The following ANK3 variants were observed in gnomAD, a reference collection of about 807,000 sequenced individuals.
The protein encoded by ANK3 is ankyrin 3.
A neutral mutation model predicts 370.9 loss-of-function variants in ANK3; 57 were observed. The observed-to-expected ratio is 0.15, with a 90% CI of 0.12 to 0.19. The LOEUF (loss-of-function observed/expected upper bound fraction) is 0.19. Among genes scored for constraint, ANK3 ranks in the 10% least tolerant of loss-of-function variants. The pLI is 1.00. For missense variants in ANK3, 4,439 were observed against 5,302.1 expected (o/e 0.84, Z 5.06); for synonymous variants, 1,929 against 1,946.3 (o/e 0.99, Z 0.23).
chr10:60,399,092 C>A (rs927160632), intron 2 of ANK3, among the ~76,000 whole-genome samples: 1 of 151,728 alleles, frequency 6.6e-6, no homozygotes, highest in Non-Finnish European at 1.5e-5. Context: ...TGTACTAAAC[C>A]CAGTGGAAAA....
intron 2 of ANK3, among the ~76,000 whole-genome samples, chr10:60,529,332 G>A (rs183346947): frequency 6.6e-6 from 1 of 152,240 alleles, no homozygotes; most frequent in Admixed American, 6.5e-5. Context: ...GTTCTCAAAT[G>A]CCTAGGCATA....
At chr10:60,689,900 G>T (rs184290167) in intron 1 of ANK3, among the ~76,000 whole-genome samples, 25 of 152,228 alleles carry the variant, frequency 1.6e-4, no homozygotes, top group African/African-American at 5.3e-4. Flanking sequence ...ACAGTTATAT[G>T]ATGTTTGAAA....
At chr10:60,620,289 T>C (rs1595356438) in intron 1 of ANK3, among the ~76,000 whole-genome samples, 1 of 152,200 alleles carries the variant, frequency 6.6e-6, no homozygotes, top group Admixed American at 6.5e-5. Context: ...AAGGTGTTTA[T>C]TATATTTGTG....
rs778201465 is a variant in ANK3, at chr10:60,072,166, G to A, written c.8715C>T (p.Arg2905=). Residue 2905 remains arginine (R), a synonymous_variant, in exon 37 of 44, where the codon CGC becomes CGT. Coordinates refer to ENST00000280772, the MANE Select transcript of ANK3 (RefSeq NM_020987.5). ...AGAGAGAGCCGTTTGTTAACAATTT[G>A]CGTTCTCTCTCAGTCACAGACATAA... ...NEFMSVTERE[R]KLLTNGSLSE... The A allele has an allele frequency of 3.1e-6, 5 of 1,613,572 alleles. No homozygotes were observed. Among genetic ancestry groups the A allele is most frequent in the Non-Finnish European group, 4.2e-6 (5 of 1,179,952 alleles).
chr10:60,680,155 A>G (rs1199813185), intron 1 of ANK3, among the ~76,000 whole-genome samples: 2 of 151,564 alleles, frequency 1.3e-5, no homozygotes, highest in Non-Finnish European at 2.9e-5. Context: ...AAAAAAGGAA[A>G]GAAAGAAAGA....
intron 8 of ANK3, among the ~76,000 whole-genome samples, chr10:60,225,272 TTG>T (rs1314285440): frequency 6.6e-6 from 1 of 152,142 alleles, no homozygotes; most frequent in African/African-American, 2.4e-5. Context: ...CTCATTTTTT[TTG>T]TGTTAGGCAG....
At chr10:60,451,182 G>GA (rs1463976379) in intron 2 of ANK3, among the ~76,000 whole-genome samples, 14 of 152,174 alleles carry the variant, frequency 9.2e-5, no homozygotes, top group Admixed American at 2.6e-4. Context: ...GGAGAGGCAT[G>GA]AAAGAGAGTC....
intron 2 of ANK3, among the ~76,000 whole-genome samples, chr10:60,614,262 A>T (rs2078239151): frequency 6.6e-6 from 1 of 152,194 alleles, no homozygotes; most frequent in African/African-American, 2.4e-5. Context: ...TCAGCCTAGT[A>T]AAATATATAC....
chr10:60,499,999 G>A (rs909874788), intron 2 of ANK3, among the ~76,000 whole-genome samples: 5 of 152,110 alleles, frequency 3.3e-5, no homozygotes, highest in African/African-American at 7.2e-5. Context: ...CACTTAGGTT[G>A]ACTAAATATC....
intron 23 of ANK3, among the ~76,000 whole-genome samples, chr10:60,154,761 C>A (rs1251698952): frequency 1.3e-5 from 2 of 152,198 alleles, no homozygotes; most frequent in Admixed American, 6.5e-5. Flanking sequence ...TGCCACTGCA[C>A]TCCAGCCTGG....
chr10:60,453,183 C>T (rs747961874), intron 2 of ANK3, among the ~76,000 whole-genome samples: 3 of 152,220 alleles, frequency 2.0e-5, no homozygotes, highest in Non-Finnish European at 2.9e-5. Flanking sequence ...TGCTTAACCT[C>T]TCAGCCCATT....
rs780209167 is a variant in ANK3, at chr10:60,072,625, C to T, written c.8256G>A (p.Gln2752=). 5.0e-6 allele frequency: 8 copies of T among 1,614,040 alleles called. No individual in the cohort carries two copies. In the South Asian group the frequency reaches 8.8e-5, roughly 18 times the overall value. The change falls in exon 37 of 44, where the codon CAG becomes CAA. Residue 2752 remains glutamine, a synonymous_variant. Coordinates refer to ENST00000280772, the MANE Select transcript of ANK3 (RefSeq NM_020987.5). ...CTTGGTAGACGGGTAGCTTGCTCTC[C>T]TGTATTTTTTTAACTGGGATTCTGG... ...GQSRIPVKKI[Q]ESKLPVYQVF...
chr10:60,452,298 C>A (rs1328119022), intron 2 of ANK3, among the ~76,000 whole-genome samples: 27 of 152,250 alleles, frequency 1.8e-4, no homozygotes, highest in Non-Finnish European at 4.4e-5. Flanking sequence ...TTCAGTGTAA[C>A]CACCACAGCT....
chr10:60,512,822 T>C (rs2076121471), intron 2 of ANK3, among the ~76,000 whole-genome samples: 1 of 152,164 alleles, frequency 6.6e-6, no homozygotes, highest in South Asian at 2.1e-4. Context: ...AATTAAGAGC[T>C]GCAGGAACGG....
chr10:60,132,433 A>G (rs4948392), intron 25 of ANK3, among the ~76,000 whole-genome samples: 74,313 of 151,676 alleles, frequency 0.49, 18,751 homozygotes, highest in East Asian at 0.73. Flanking sequence ...AGGGGGAGTT[A>G]CCCTGCACAA....
intron 2 of ANK3, among the ~76,000 whole-genome samples, chr10:60,437,404 C>T (rs1407686230): frequency 2.6e-5 from 4 of 152,206 alleles, no homozygotes; most frequent in Non-Finnish European, 2.9e-5. Flanking sequence ...TTTAGCATGT[C>T]CTTAACTCAG....
intron 2 of ANK3, chr10:60,508,279 G>C (rs146066295): frequency 2.9e-4 from 44 of 152,552 alleles, no homozygotes; most frequent in Non-Finnish European, 2.2e-4. Context: ...CAGGCTTTTG[G>C]TAAAAATTAT....
intron 2 of ANK3, among the ~76,000 whole-genome samples, chr10:60,448,265 G>A (rs1287825119): frequency 6.6e-6 from 1 of 152,172 alleles, no homozygotes. Flanking sequence ...GAGACTCCGA[G>A]CACTGAAGAA....
Position 60,071,797 on chromosome 10 carries a change from G to A in ANK3, c.9084C>T (p.His3028=), listed in dbSNP as rs2082743397. Reference sequence around the variant, plus strand: ...GTGGGCATAAACCTACATAACTCTGGTGTTTGGAAACTTTGCTGATTTCTG... The same window carrying A: ...GTGGGCATAAACCTACATAACTCTGATGTTTGGAAACTTTGCTGATTTCTG... ...TYSEISKVSK[H]QSYVGLCPPL... is the part of the protein sequence containing the mutation. Residue 3028 remains histidine, a synonymous_variant, in exon 37 of 44, where the codon CAC becomes CAT. Coordinates refer to ENST00000280772, the MANE Select transcript of ANK3 (RefSeq NM_020987.5). 2 of 1,609,052 alleles carry A rather than the reference G, an allele frequency of 1.2e-6. No individual in the cohort carries two copies. The highest frequency in any genetic ancestry group is 1.7e-4 in the Middle Eastern group (1 of 6,056).
Sources: allele counts gnomAD v4.1 joint callset (sites outside exome capture counted in the v4.1 genomes callset), GRCh38; gene constraint gnomAD v4.1.1; transcripts MANE v1.5; gene names NCBI Gene and HGNC (gene_info 2026-07-23, HGNC 2026-07-21).